LYPD6B: variants seen among roughly 807,000 people sequenced by gnomAD.
LYPD6B encodes the protein LY6/PLAUR domain containing 6B.
Under a neutral mutation model 22.8 loss-of-function variants are expected in LYPD6B, and 17 were observed. That is an observed-to-expected ratio of 0.75 (90% confidence interval 0.51 to 1.12). LYPD6B has a LOEUF of 1.12. LYPD6B is among the 50% of genes most tolerant of loss of function. LYPD6B has a pLI of 0.00. For synonymous variants in LYPD6B, 106 were observed against 91.6 expected (o/e 1.16, Z -0.90); for missense variants, 221 against 258.3 (o/e 0.86, Z 0.99).
At chr2:149,097,162 G>C (rs1685941321) in intron 1 of LYPD6B, among the ~76,000 whole-genome samples, 1 of 152,244 alleles carries the variant, frequency 6.6e-6, no homozygotes, top group East Asian at 1.9e-4. Context: ...ATGTGCCACT[G>C]TCTTCTGCGC....
At chr2:149,109,805 A>G (rs1452482310) in intron 1 of LYPD6B, among the ~76,000 whole-genome samples, 3 of 152,120 alleles carry the variant, frequency 2.0e-5, no homozygotes, top group East Asian at 1.9e-4. Context: ...TCCGCCTCCC[A>G]GGTTCAAGCG....
chr2:149,106,118 A>G (rs981034366), intron 1 of LYPD6B, among the ~76,000 whole-genome samples: 2 of 152,134 alleles, frequency 1.3e-5, no homozygotes, highest in African/African-American at 4.8e-5. Context: ...ATTTTAAACC[A>G]ACCTTGCATT....
chr2:149,119,837 C>T (rs1278239072), intron 1 of LYPD6B, among the ~76,000 whole-genome samples: 1 of 152,060 alleles, frequency 6.6e-6, no homozygotes, highest in African/African-American at 2.4e-5. Flanking sequence ...CACTGAACAA[C>T]AACAAATAGT....
At chr2:149,199,755 A>G (rs1475904575) in intron 3 of LYPD6B, among the ~76,000 whole-genome samples, 2 of 152,322 alleles carry the variant, frequency 1.3e-5, no homozygotes, top group East Asian at 1.9e-4. Context: ...ACAACACTCC[A>G]TGTACCAGAA....
At chr2:149,202,092 T>C (rs973946109) in intron 3 of LYPD6B, among the ~76,000 whole-genome samples, 1 of 152,238 alleles carries the variant, frequency 6.6e-6, no homozygotes, top group Non-Finnish European at 1.5e-5. Context: ...GAGAGACCTT[T>C]GCAGTGTATC....
At chr2:149,098,643 A>AAAAAAAAAAAAAAAAAAAAAAAAAG (rs57783804) in intron 1 of LYPD6B, among the ~76,000 whole-genome samples, 3 of 130,960 alleles carry the variant, frequency 2.3e-5, no homozygotes, top group African/African-American at 5.8e-5. Context: ...AAAAAAAAAA[A>AAAAAAAAAAAAAAAAAAAAAAAAAG]AAAAAAGAAA....
intron 3 of LYPD6B, among the ~76,000 whole-genome samples, chr2:149,175,819 T>C (rs1691257685): frequency 6.6e-6 from 1 of 151,818 alleles, no homozygotes; most frequent in East Asian, 1.9e-4. Flanking sequence ...TCAATATCAC[T>C]GTCTTCCACC....
chr2:149,161,870 A>G (rs571105292), intron 3 of LYPD6B, among the ~76,000 whole-genome samples: 13 of 152,330 alleles, frequency 8.5e-5, no homozygotes, highest in African/African-American at 3.1e-4. Flanking sequence ...TCTGTAAAAT[A>G]TCTACTAAGA....
chr2:149,096,124 TG>T (rs1277179074), intron 1 of LYPD6B, among the ~76,000 whole-genome samples: 1 of 149,286 alleles, frequency 6.7e-6, no homozygotes, highest in Non-Finnish European at 1.5e-5. Flanking sequence ...GAAGAGAGAA[TG>T]GCTCACAGAG....
At chr2:149,056,149 G>C (rs565016432) in intron 1 of LYPD6B, among the ~76,000 whole-genome samples, 1 of 152,200 alleles carries the variant, frequency 6.6e-6, no homozygotes, top group Non-Finnish European at 1.5e-5. Context: ...GTAACACATA[G>C]GTGCCAAGGA....
At chr2:149,200,407 G>T (rs1218059048) in intron 3 of LYPD6B, among the ~76,000 whole-genome samples, 1 of 151,426 alleles carries the variant, frequency 6.6e-6, no homozygotes, top group Non-Finnish European at 1.5e-5. Flanking sequence ...CACAACTTTT[G>T]TCTTGCTTAC....
chr2:149,183,246 G>A (rs1225944714), intron 3 of LYPD6B, among the ~76,000 whole-genome samples: 1 of 152,160 alleles, frequency 6.6e-6, no homozygotes, highest in Non-Finnish European at 1.5e-5. Flanking sequence ...AGATAGAAGA[G>A]CTATGGAGTT....
At chr2:149,117,201 T>C (rs1160026183) in intron 1 of LYPD6B, among the ~76,000 whole-genome samples, 1 of 152,152 alleles carries the variant, frequency 6.6e-6, no homozygotes, top group Middle Eastern at 3.2e-3. Flanking sequence ...TTTAATATAC[T>C]ACATATTTAC....
intron 3 of LYPD6B, chr2:149,204,887 C>T (rs1343075535): frequency 5.6e-6 from 1 of 177,148 alleles, no homozygotes; most frequent in Non-Finnish European, 1.2e-5. Flanking sequence ...CTCAACATGC[C>T]TCAGAACCAC....
chr2:149,165,750 T>C (rs534100653), intron 3 of LYPD6B, among the ~76,000 whole-genome samples: 1 of 152,196 alleles, frequency 6.6e-6, no homozygotes, highest in Non-Finnish European at 1.5e-5. Context: ...CTCCAGGAGG[T>C]CAGGCTTCAG....
At chr2:149,054,436 T>C (rs1206768746) in intron 1 of LYPD6B, among the ~76,000 whole-genome samples, 1 of 152,174 alleles carries the variant, frequency 6.6e-6, no homozygotes. Flanking sequence ...CATTTTAAGA[T>C]TTTTTTGTCT....
intron 2 of LYPD6B, among the ~76,000 whole-genome samples, chr2:149,146,344 C>G (rs1438603182): frequency 6.6e-6 from 1 of 151,528 alleles, no homozygotes; most frequent in Admixed American, 6.6e-5. Context: ...GAGTTAATAG[C>G]AAGTGAAAGG....
chr2:149,190,333 C>T (rs1390515601), intron 3 of LYPD6B, among the ~76,000 whole-genome samples: 1 of 152,112 alleles, frequency 6.6e-6, no homozygotes, highest in African/African-American at 2.4e-5. Flanking sequence ...TTTTAATGGA[C>T]ACTTGGGTTG....
At chr2:149,163,149 A>C (rs1021725994) in intron 3 of LYPD6B, among the ~76,000 whole-genome samples, 1 of 152,164 alleles carries the variant, frequency 6.6e-6, no homozygotes, top group African/African-American at 2.4e-5. Context: ...ATCTGTGAAC[A>C]TCTCATCAGC....
Sources: allele counts gnomAD v4.1 joint callset (sites outside exome capture counted in the v4.1 genomes callset), GRCh38; gene constraint gnomAD v4.1.1; transcripts MANE v1.5; gene names NCBI Gene and HGNC (gene_info 2026-07-23, HGNC 2026-07-21).